Variants in TBC1D4 observed in about 807,000 individuals in gnomAD.
The protein encoded by TBC1D4 is TBC (Tre-2, BUB2, CDC16) domain-containing protein.
TBC1D4 carries 121 observed loss-of-function variants against 142.5 expected under a neutral mutation model. The ratio of observed to expected loss-of-function variants is 0.85; its 90% CI spans 0.73 to 0.99. The LOEUF (loss-of-function observed/expected upper bound fraction) is 0.99, where lower values mean the gene tolerates loss of function less well. Ranked by LOEUF, TBC1D4 falls within the 50% of genes least tolerant of loss-of-function variation. The pLI, the probability that TBC1D4 is intolerant of heterozygous loss-of-function variation, is 0.00. For synonymous variants in TBC1D4, 630 were observed against 628.2 expected (o/e 1.00, Z -0.04); for missense variants, 1,475 against 1,606.6 (o/e 0.92, Z 1.40).
chr13:75,359,937 T>C, intron 2 of TBC1D4, 79 bp from the exon 3 acceptor site: 3 of 1,119,566 alleles, frequency 2.7e-6, no homozygotes, highest in Non-Finnish European at 4.0e-6. Flanking sequence ...ATTAAACTAA[T>C]AATATAGATT....
At chr13:75,322,462 T>TA (rs1210483104) in intron 11 of TBC1D4, among the ~76,000 whole-genome samples, 2 of 152,200 alleles carry the variant, frequency 1.3e-5, no homozygotes, top group African/African-American at 4.8e-5. Context: ...TAGAGGGCTT[T>TA]GGGAAGCTAT....
chr13:75,339,661 C>T (rs1182994476), intron 7 of TBC1D4, among the ~76,000 whole-genome samples: 1 of 152,118 alleles, frequency 6.6e-6, no homozygotes, highest in Non-Finnish European at 1.5e-5. Context: ...CTGCAACCTC[C>T]ACCTCCCAGG....
At chr13:75,339,174 C>T (rs958278875) in intron 7 of TBC1D4, among the ~76,000 whole-genome samples, 1 of 152,150 alleles carries the variant, frequency 6.6e-6, no homozygotes, top group Admixed American at 6.5e-5. Flanking sequence ...AGGGAAGGGT[C>T]GCCATTATTC....
At chr13:75,313,707 G>A (rs562124866) in intron 12 of TBC1D4, among the ~76,000 whole-genome samples, 5 of 152,072 alleles carry the variant, frequency 3.3e-5, no homozygotes, top group East Asian at 1.9e-4. Flanking sequence ...AAAAATCTTC[G>A]TAGAGACCGG....
At chr13:75,412,776 T>G (rs7337411) in intron 1 of TBC1D4, among the ~76,000 whole-genome samples, 92,381 of 152,160 alleles carry the variant, frequency 0.61, 29,071 homozygotes, top group East Asian at 0.69. Flanking sequence ...AATGGAAGTT[T>G]CAGGATTAAT....
intron 1 of TBC1D4, among the ~76,000 whole-genome samples, chr13:75,452,179 G>C (rs1362169019): frequency 2.6e-5 from 4 of 151,920 alleles, no homozygotes; most frequent in African/African-American, 9.7e-5. Context: ...GTTTATTAAA[G>C]GTGCTTTAAA....
intron 1 of TBC1D4, among the ~76,000 whole-genome samples, chr13:75,451,572 C>T (rs996954827): frequency 2.0e-5 from 3 of 149,974 alleles, no homozygotes; most frequent in South Asian, 2.1e-4. Flanking sequence ...TCTAGCTACT[C>T]GGGAGGCTGA....
chr13:75,396,194 G>T (rs1884789070), intron 1 of TBC1D4, among the ~76,000 whole-genome samples: 1 of 152,118 alleles, frequency 6.6e-6, no homozygotes, highest in African/African-American at 2.4e-5. Flanking sequence ...AAATCAGTCG[G>T]CCTCCCAGAC....
At chr13:75,436,735 T>C (rs1886815662) in intron 1 of TBC1D4, among the ~76,000 whole-genome samples, 1 of 152,070 alleles carries the variant, frequency 6.6e-6, no homozygotes, top group Admixed American at 6.6e-5. Context: ...TGGACACTAA[T>C]GGGTAAAATG....
chr13:75,417,184 T>A (rs1221210796), intron 1 of TBC1D4, among the ~76,000 whole-genome samples: 2 of 152,174 alleles, frequency 1.3e-5, no homozygotes, highest in Non-Finnish European at 2.9e-5. Context: ...AGGGCCCACA[T>A]GCCAGGCTCT....
At chr13:75,389,776 A>G (rs975084274) in intron 1 of TBC1D4, among the ~76,000 whole-genome samples, 5 of 152,244 alleles carry the variant, frequency 3.3e-5, no homozygotes, top group African/African-American at 1.2e-4. Context: ...TACTGCACAC[A>G]GTACAATATC....
At chr13:75,328,715 G>A (rs1436695838) in intron 8 of TBC1D4, among the ~76,000 whole-genome samples, 1 of 152,094 alleles carries the variant, frequency 6.6e-6, no homozygotes, top group Non-Finnish European at 1.5e-5. Context: ...ATGTGACAGT[G>A]ACCCTGCGAA....
chr13:75,311,119 T>C (rs923660471), intron 13 of TBC1D4, among the ~76,000 whole-genome samples: 3 of 152,204 alleles, frequency 2.0e-5, no homozygotes, highest in African/African-American at 7.2e-5. Context: ...TGGTTGCTTA[T>C]ATCGCAAGAA....
chr13:75,363,315 C>T (rs994654011), intron 1 of TBC1D4, among the ~76,000 whole-genome samples: 8 of 152,182 alleles, frequency 5.3e-5, no homozygotes, highest in Admixed American at 6.5e-5. Flanking sequence ...TTCAAAGGCA[C>T]TTTTGTCCCA....
chr13:75,316,974 C>T (rs7982377), intron 12 of TBC1D4, among the ~76,000 whole-genome samples: 2 of 152,130 alleles, frequency 1.3e-5, no homozygotes, highest in African/African-American at 2.4e-5. Context: ...TGCCAGGTAT[C>T]GATTGTTCTA....
intron 1 of TBC1D4, among the ~76,000 whole-genome samples, chr13:75,469,650 C>T (rs913554339): frequency 6.6e-6 from 1 of 152,044 alleles, no homozygotes; most frequent in Non-Finnish European, 1.5e-5. Context: ...TGGCTGGAAC[C>T]TGTAGTCTCA....
At chr13:75,369,891 T>A (rs1370658478) in intron 1 of TBC1D4, among the ~76,000 whole-genome samples, 2 of 152,116 alleles carry the variant, frequency 1.3e-5, no homozygotes, top group Non-Finnish European at 2.9e-5. Flanking sequence ...AAATTTAAAT[T>A]GAGGTGGCGA....
chr13:75,415,946 T>C (rs572303449), intron 1 of TBC1D4, among the ~76,000 whole-genome samples: 79 of 152,342 alleles, frequency 5.2e-4, no homozygotes, highest in African/African-American at 1.7e-3. Context: ...AGCTACTTTA[T>C]GAAATTCAAG....
At chr13:75,425,323 T>C (rs959199238) in intron 1 of TBC1D4, among the ~76,000 whole-genome samples, 2 of 152,072 alleles carry the variant, frequency 1.3e-5, no homozygotes, top group African/African-American at 4.8e-5. Context: ...TAAAAAAAGA[T>C]GACAAGTTAA....
Sources: gnomAD v4.1 joint callset for allele counts (sites outside exome capture counted in the v4.1 genomes callset) on GRCh38, gnomAD v4.1.1 for gene constraint, MANE v1.5 for transcripts, NCBI Gene and HGNC (gene_info 2026-07-23, HGNC 2026-07-21) for gene names.